CGAS: variants seen among roughly 807,000 people sequenced by gnomAD.
CGAS encodes the protein 2'3'-cGAMP synthase.
Under a neutral mutation model 34.0 loss-of-function variants are expected in CGAS, and 31 were observed. That is an observed-to-expected ratio of 0.91 (90% CI 0.69 to 1.23). The LOEUF (loss-of-function observed/expected upper bound fraction) is 1.23. Ranked by LOEUF, CGAS falls within the 50% of genes most tolerant of loss-of-function variation. The pLI, the probability that CGAS is intolerant of heterozygous loss-of-function variation, is 0.00. For synonymous variants in CGAS, 266 were observed against 260.0 expected (o/e 1.02, Z -0.22); for missense variants, 597 against 657.6 (o/e 0.91, Z 1.01).
intron 2 of CGAS, among the ~76,000 whole-genome samples, chr6:73,445,005 G>A (rs576869427): frequency 1.5e-4 from 23 of 152,230 alleles, no homozygotes; most frequent in African/African-American, 4.6e-4. Context: ...ATGTTTATTC[G>A]CTTTGGATAT....
intron 1 of CGAS, 65 bp from the exon 2 acceptor site, chr6:73,445,812 T>G: frequency 2.4e-6 from 3 of 1,228,738 alleles, no homozygotes; most frequent in Non-Finnish European, 3.4e-6. Flanking sequence ...GACTGGAACT[T>G]TTTAAAAAAT....
chr6:73,428,798 C>G lies in CGAS; in HGVS notation c.1128G>C (p.Arg376=). ...CCTTTTCGATGTGAGAGAAGGATAGCCGCCATGTTTCTTCTTAATTTCAAA... is the reference window on the plus strand; with the variant it reads ...CCTTTTCGATGTGAGAGAAGGATAGGCGCCATGTTTCTTCTTAATTTCAAA... ...EGNGFQEETW[R]LSFSHIEKEI... The change falls in exon 4 of 5, where the codon CGG becomes CGC. Residue 376 remains arginine, a synonymous_variant. Transcript: ENST00000370315. The G allele has an allele frequency of 6.2e-7, 1 of 1,612,394 alleles. No individual in the cohort carries two copies. Among genetic ancestry groups the G allele is most frequent in the Non-Finnish European group, 8.5e-7 (1 of 1,179,522 alleles).
At chr6:73,429,698 C>T (rs900430912) in intron 3 of CGAS, among the ~76,000 whole-genome samples, 8 of 151,710 alleles carry the variant, frequency 5.3e-5, no homozygotes, top group East Asian at 1.9e-4. Context: ...TGGTGGCGGG[C>T]GCCTGTAATC....
chr6:73,450,038 A>AG, intron 1 of CGAS, among the ~76,000 whole-genome samples: 2 of 147,368 alleles, frequency 1.4e-5, no homozygotes, highest in South Asian at 2.2e-4. Context: ...AGAACAAAAT[A>AG]AAGAGAGAGA....
chr6:73,452,146 A>G lies in CGAS; in HGVS notation c.36T>C (p.Ala12=), dbSNP rs769428394. Residue 12 remains alanine, a synonymous_variant, in exon 1 of 5, where the codon GCT becomes GCC. Transcript: ENST00000370315. ...TGGGGGCAGTGGCTCCGGCCTCGGA[A>G]GCTCTCTGCATGGCCTTTCCGTGCC... ...QPWHGKAMQR[A]SEAGATAPKA... 5.0e-6 allele frequency: 8 copies of G among 1,608,458 alleles called. No individual in the cohort carries two copies. The African/African-American group carries it at 6.7e-5, about 13-fold the overall frequency.
chr6:73,443,946 G>A (rs1770425882), intron 2 of CGAS, among the ~76,000 whole-genome samples: 1 of 152,180 alleles, frequency 6.6e-6, no homozygotes, highest in Non-Finnish European at 1.5e-5. Flanking sequence ...GAGGCAGCCA[G>A]GGACCAGATT....
At chr6:73,445,882 G>T in intron 1 of CGAS, 135 bp from the exon 2 acceptor site, 1 of 622,150 alleles carries the variant, frequency 1.6e-6, no homozygotes, top group Non-Finnish European at 2.7e-6. Context: ...TACCCTCTGG[G>T]AGTGGGACTA....
intron 3 of CGAS, among the ~76,000 whole-genome samples, chr6:73,432,704 C>T (rs57796781): frequency 0.029 from 4,368 of 152,246 alleles, 90 homozygotes; most frequent in Middle Eastern, 0.051. Flanking sequence ...GATCCACCCA[C>T]CTCAGCCTCC....
chr6:73,425,448 G>A lies in CGAS; in HGVS notation c.1348C>T (p.Pro450Ser), dbSNP rs924697459. 6.2e-7 allele frequency: 1 copy of A among 1,613,944 alleles called. No individual in the cohort carries two copies. The highest frequency in any genetic ancestry group is 2.2e-5 in the East Asian group (1 of 44,900). ...TAFFHVCTQN[P>S]QDSQWDRKDL... ...TTGCGGTCCCACTGACTGTCTTGAG[G>A]GTTCTGGGTACATACGTGAAAGAAG... The change falls in exon 5 of 5, where the codon CCT becomes TCT. Residue 450 changes from proline (P) to serine (S), a missense_variant. Transcript: ENST00000370315.
chr6:73,437,754 T>A (rs932695540), intron 3 of CGAS, among the ~76,000 whole-genome samples: 3 of 152,170 alleles, frequency 2.0e-5, no homozygotes, highest in African/African-American at 7.2e-5. Context: ...GGTAAATTTT[T>A]AAAATTTAAA....
intron 1 of CGAS, among the ~76,000 whole-genome samples, chr6:73,449,615 T>C (rs895119776): frequency 6.6e-6 from 1 of 152,190 alleles, no homozygotes; most frequent in Non-Finnish European, 1.5e-5. Flanking sequence ...TGAACTGAAT[T>C]GATACTTACA....
intron 3 of CGAS, chr6:73,439,843 G>A (rs116592669): frequency 1.1e-3 from 240 of 214,604 alleles, no homozygotes; most frequent in African/African-American, 5.3e-3. Context: ...CACAGTGTAC[G>A]GATGAGCAAA....
At chr6:73,449,423 C>T (rs1174863119) in intron 1 of CGAS, among the ~76,000 whole-genome samples, 2 of 151,246 alleles carry the variant, frequency 1.3e-5, no homozygotes, top group Admixed American at 6.6e-5. Flanking sequence ...TGCAGTGAGC[C>T]GAGATCGCGC....
chr6:73,451,646 A>G lies in CGAS; in HGVS notation c.536T>C (p.Ile179Thr). ...TTTCACCATCCCCGCCGCCGTGGAG[A>G]TATCATCGCGGCTGAGCTTCAACTT... is the stretch of plus-strand genomic sequence containing the variant. ...LEKLKLSRDDISTAAGMVKGV... is the reference protein window; with the variant it reads ...LEKLKLSRDDTSTAAGMVKGV... The change falls in exon 1 of 5, where the codon ATC (isoleucine) becomes ACC (threonine). Residue 179 changes from isoleucine to threonine, a missense_variant. By Grantham distance (89) the Ile-to-Thr change is moderately conservative. Transcript: ENST00000370315. 6.2e-7 allele frequency: 1 copy of G among 1,614,092 alleles called. No homozygotes were observed. The highest frequency in any genetic ancestry group is 8.5e-7 in the Non-Finnish European group (1 of 1,180,012).
Position 73,425,160 on chromosome 6 carries a change from A to G in CGAS, c.*67T>C. On this transcript the variant is annotated 3_prime_UTR_variant, in exon 5 of 5. Transcript: ENST00000370315. ...GAGCCACAGCGTCTGGCCCCTTTTCAAATTTTTCTTGTATTCTCCAGGATT... is the reference window on the plus strand; with the variant it reads ...GAGCCACAGCGTCTGGCCCCTTTTCGAATTTTTCTTGTATTCTCCAGGATT... The G allele has an allele frequency of 7.9e-7, 1 of 1,263,222 alleles. No homozygotes were observed. Among genetic ancestry groups the G allele is most frequent in the South Asian group, 1.4e-5 (1 of 70,366 alleles). 78.3% of individuals were successfully genotyped at this position (1,263,222 alleles called of 1,614,324 possible).
chr6:73,438,676 C>A lies in CGAS; in HGVS notation c.1114+1533G>T, dbSNP rs1270862780. On this transcript the variant is annotated intron_variant, in intron 3 of 4. Transcript: ENST00000370315. ...CACCACTGCACTCCAGCCTGGGCAA[C>A]AAAGCAAGAATCCGTCTCAAAAAAA... Among the ~76,000 whole-genome samples the A allele has an allele frequency of 1.7e-4, 15 of 87,750 alleles. No homozygotes were observed. In the Admixed American group the frequency reaches 1.8e-3, roughly 10 times the overall value. The allele number at this position is 87,750 out of a possible 152,430, so 57.6% of individuals were successfully genotyped here.
intron 1 of CGAS, among the ~76,000 whole-genome samples, chr6:73,447,005 G>A (rs1221209251): frequency 6.6e-6 from 1 of 151,730 alleles, no homozygotes; most frequent in Non-Finnish European, 1.5e-5. Context: ...GCAGTGAGCC[G>A]AGATGGTACC....
chr6:73,451,389 C>T, intron 1 of CGAS, 136 bp downstream of exon 1: 2 of 1,021,344 alleles, frequency 2.0e-6, no homozygotes, highest in Non-Finnish European at 2.8e-6. Flanking sequence ...TTTACTTAGA[C>T]TAGGCTACCG....
In CGAS at chr6:73,452,089, C is replaced by A; in HGVS notation, c.93G>T (p.Pro31=). The part of the protein sequence containing the change: ...KASARNARGA[P]MDPTESPAAP... ...CAGCCGGAGACTCGGTGGGATCCAT[C>A]GGGGCGCCCCTGGCATTCCGTGCGG... Residue 31 remains proline (P), a synonymous_variant, in exon 1 of 5, where the codon CCG becomes CCT. Transcript: ENST00000370315. 1 of 1,579,830 alleles carries A rather than the reference C, an allele frequency of 6.3e-7. No individual in the cohort carries two copies. The highest frequency in any genetic ancestry group is 1.8e-5 in the Admixed American group (1 of 54,892).
Sources: gnomAD v4.1 joint callset for allele counts (sites outside exome capture counted in the v4.1 genomes callset) on GRCh38, gnomAD v4.1.1 for gene constraint, MANE v1.5 for transcripts, NCBI Gene and HGNC (gene_info 2026-07-23, HGNC 2026-07-21) for gene names.